Variants in ESR1 observed in about 807,000 individuals in gnomAD.
The protein encoded by ESR1 is estrogen receptor 1.
A neutral mutation model predicts 52.7 loss-of-function variants in ESR1; 12 were observed. The ratio of observed to expected loss-of-function variants is 0.23; its 90% CI spans 0.15 to 0.37. The LOEUF (loss-of-function observed/expected upper bound fraction) is 0.37, where lower values mean the gene tolerates loss of function less well. Ranked by LOEUF, ESR1 falls within the 10% of genes least tolerant of loss-of-function variation. ESR1 has a pLI of 1.00. For synonymous variants in ESR1, 305 were observed against 316.8 expected (o/e 0.96, Z 0.39); for missense variants, 584 against 779.7 (o/e 0.75, Z 2.99).
chr6:151,890,036 A>C lies in ESR1; in HGVS notation c.760+9265A>C, dbSNP rs141991223. ...ACTTGATATGGTGTCAATGTTCTTA[A>C]ATTTATTAAGACTTATTTTGTGTCC... On this transcript the variant is annotated intron_variant, in intron 3 of 7. Coordinates refer to ENST00000206249, the MANE Select transcript of ESR1 (RefSeq NM_000125.4). 6.2e-4 allele frequency among the ~76,000 whole-genome samples: 94 copies of C among 151,956 alleles called. 1 individual carries two copies. The highest frequency in any genetic ancestry group is 2.1e-3 in the African/African-American group (89 of 41,488).
At chr6:151,676,195 G>A (rs1778246005) in intron 1 of ESR1, among the ~76,000 whole-genome samples, 1 of 152,122 alleles carries the variant, frequency 6.6e-6, no homozygotes, top group Non-Finnish European at 1.5e-5. Context: ...CCCGAAGGAG[G>A]CCAGCCTGCT....
At chr6:151,804,710 T>A (rs772472819), upstream of ESR1, 2 of 152,134 alleles carry the variant, frequency 1.3e-5, no homozygotes, top group Non-Finnish European at 2.9e-5. Context: ...CTGCATAGTG[T>A]CCCAGGGCCA....
At chr6:151,740,831 A>G (rs1783043762) in intron 2 of ESR1, among the ~76,000 whole-genome samples, 1 of 151,964 alleles carries the variant, frequency 6.6e-6, no homozygotes, top group East Asian at 1.9e-4. Flanking sequence ...TTCTCCTTAA[A>G]CCCTAGGATT....
intron 2 of ESR1, among the ~76,000 whole-genome samples, chr6:151,773,392 C>A (rs1785678475): frequency 1.3e-5 from 2 of 152,182 alleles, no homozygotes; most frequent in South Asian, 4.1e-4. Flanking sequence ...GATGTTTAAG[C>A]CACCCACTTT....
At chr6:151,936,742 G>A (rs1349140520) in intron 3 of ESR1, among the ~76,000 whole-genome samples, 2 of 152,146 alleles carry the variant, frequency 1.3e-5, no homozygotes, top group Non-Finnish European at 2.9e-5. Context: ...TGTAAGAAAG[G>A]GAAAAAAATT....
intron 1 of ESR1, among the ~76,000 whole-genome samples, chr6:151,673,489 G>T (rs543076111): frequency 6.6e-6 from 1 of 152,082 alleles, no homozygotes; most frequent in East Asian, 1.9e-4. Context: ...TCAAAGTAGC[G>T]TGGACAATTT....
chr6:151,733,066 A>G (rs956749211), intron 2 of ESR1, among the ~76,000 whole-genome samples: 2 of 152,206 alleles, frequency 1.3e-5, no homozygotes, highest in African/African-American at 2.4e-5. Context: ...ACATTTATTT[A>G]TGGAACATTT....
intron 2 of ESR1, among the ~76,000 whole-genome samples, chr6:151,874,340 G>A (rs1308964132): frequency 6.6e-6 from 1 of 152,100 alleles, no homozygotes; most frequent in Non-Finnish European, 1.5e-5. Context: ...AAGAATAGAT[G>A]TGATATATTT....
chr6:151,805,639 T>A (rs1237019613), upstream of ESR1: 1 of 152,668 alleles, frequency 6.6e-6, no homozygotes, highest in South Asian at 2.1e-4. Context: ...CCCTGCCTAC[T>A]GGCTGCTTCC....
chr6:152,007,955 A>G (rs529449267), intron 4 of ESR1, among the ~76,000 whole-genome samples: 1 of 152,244 alleles, frequency 6.6e-6, no homozygotes, highest in Non-Finnish European at 1.5e-5. Flanking sequence ...ATATCAGAAC[A>G]TTCTTCCTGT....
chr6:151,935,912 G>A (rs1225954718), intron 3 of ESR1, among the ~76,000 whole-genome samples: 1 of 152,058 alleles, frequency 6.6e-6, no homozygotes. Flanking sequence ...TCTTACTTTG[G>A]GATGTATTCA....
At chr6:151,947,886 A>G (rs996915774) in intron 4 of ESR1, among the ~76,000 whole-genome samples, 9 of 152,222 alleles carry the variant, frequency 5.9e-5, no homozygotes, top group South Asian at 2.1e-4. Context: ...TATAACACAT[A>G]CTATGTATCT....
rs1464347986 is a variant in ESR1, at chr6:151,724,419, C to T, written c.-71+22414C>T. Among the ~76,000 whole-genome samples, 5 of 151,914 alleles carry T rather than the reference C, an allele frequency of 3.3e-5. No homozygotes were observed. The South Asian group carries it at 6.2e-4, about 19-fold the overall frequency. On this transcript the variant is annotated intron_variant, in intron 2 of 2. Coordinates refer to the ESR1 transcript ENST00000404742. The stretch of plus-strand genomic sequence containing the variant: ...TGTTGTCTGAGGAAACTAATAAGTC[C>T]AAGAGAAAGAACCTTCAGAAACGGA...
At chr6:151,982,341 GC>G (rs2040070751) in intron 4 of ESR1, among the ~76,000 whole-genome samples, 1 of 152,152 alleles carries the variant, frequency 6.6e-6, no homozygotes, top group South Asian at 2.1e-4. Flanking sequence ...CATGCAAAAT[GC>G]TTATTTCATT....
intron 2 of ESR1, among the ~76,000 whole-genome samples, chr6:151,727,876 A>G (rs2128033959): frequency 6.6e-6 from 1 of 152,280 alleles, no homozygotes; most frequent in African/African-American, 2.4e-5. Context: ...CTCCTTTGCC[A>G]TCTGCCATAA....
chr6:152,082,069 T>A (rs2049271839), intron 6 of ESR1, among the ~76,000 whole-genome samples: 1 of 152,036 alleles, frequency 6.6e-6, no homozygotes, highest in Non-Finnish European at 1.5e-5. Flanking sequence ...CAGAAACTAT[T>A]CCAATCAATA....
intron 1 of ESR1, among the ~76,000 whole-genome samples, chr6:151,832,731 A>G (rs374620645): frequency 2.6e-5 from 4 of 152,158 alleles, no homozygotes; most frequent in South Asian, 4.1e-4. Context: ...GTGCGATTCC[A>G]GGTGCTTTAT....
intron 6 of ESR1, among the ~76,000 whole-genome samples, chr6:152,066,957 A>G (rs2048009398): frequency 6.6e-6 from 1 of 152,242 alleles, no homozygotes; most frequent in South Asian, 2.1e-4. Flanking sequence ...ATCTTGCACC[A>G]TGACTAGCAC....
chr6:152,083,293 G>T (rs571983189), intron 6 of ESR1, among the ~76,000 whole-genome samples: 1 of 152,114 alleles, frequency 6.6e-6, no homozygotes, highest in Non-Finnish European at 1.5e-5. Flanking sequence ...CAGAACAGAG[G>T]CCTCAGAAAT....
Sources: allele counts gnomAD v4.1 joint callset (sites outside exome capture counted in the v4.1 genomes callset), GRCh38; gene constraint gnomAD v4.1.1; transcripts MANE v1.5; gene names NCBI Gene and HGNC (gene_info 2026-07-23, HGNC 2026-07-21).